The following NPAS3 variants were observed in gnomAD, a reference collection of about 807,000 sequenced individuals.
NPAS3 encodes neuronal PAS domain protein 3, also known as neuronal PAS domain-containing protein 3.
Under a neutral mutation model 73.1 loss-of-function variants are expected in NPAS3, and 14 were observed. The observed-to-expected ratio is 0.19, with a 90% CI of 0.13 to 0.30. The LOEUF is 0.30. Among genes scored for constraint, NPAS3 ranks in the 10% least tolerant of loss-of-function variants. The pLI is 1.00. For missense variants in NPAS3, 1,096 were observed against 1,250.0 expected, an observed-to-expected ratio of 0.88 and a Z score of 1.86; for synonymous variants, 620 against 541.5, an observed-to-expected ratio of 1.14 and a Z score of -2.01.
chr14:33,074,497 A>G (rs971192253), intron 2 of NPAS3, among the ~76,000 whole-genome samples: 2 of 151,716 alleles, frequency 1.3e-5, no homozygotes, highest in African/African-American at 4.8e-5. Flanking sequence ...GCTCACTACA[A>G]CCTCCGCCTC....
At position 33,548,415 on chromosome 14, in the gene NPAS3, A is replaced by C. The variant is rs375200314; in HGVS notation, c.469-11706A>C. ...TGCACATTAGAATTATACTGAGATT[A>C]TCGATTCAAGGTTTCTAGTGAGTGG... On this transcript the variant is annotated intron_variant, in intron 4 of 11. Coordinates refer to ENST00000356141, the Ensembl canonical transcript of NPAS3. 1.8e-4 allele frequency among the ~76,000 whole-genome samples: 27 copies of C among 152,316 alleles called. No homozygotes were observed. In the East Asian group the frequency reaches 2.9e-3, roughly 16 times the overall value.
At chr14:33,433,590 G>A (rs1222124756) in intron 4 of NPAS3, among the ~76,000 whole-genome samples, 1 of 152,192 alleles carries the variant, frequency 6.6e-6, no homozygotes. Flanking sequence ...GTTTCTCAGG[G>A]CAGACTTATA....
intron 5 of NPAS3, among the ~76,000 whole-genome samples, chr14:33,604,406 A>G (rs1156740271): frequency 6.6e-6 from 1 of 152,212 alleles, no homozygotes; most frequent in Non-Finnish European, 1.5e-5. Flanking sequence ...GAATATAACT[A>G]TGGATAAAGA....
chr14:33,734,490 G>C (rs575088770), intron 6 of NPAS3, among the ~76,000 whole-genome samples: 80 of 152,116 alleles, frequency 5.3e-4, no homozygotes, highest in Non-Finnish European at 4.9e-4. Context: ...TTGTTTAAGA[G>C]AGAAAATCAT....
At chr14:33,629,105 G>A (rs1246532536) in intron 5 of NPAS3, among the ~76,000 whole-genome samples, 2 of 152,010 alleles carry the variant, frequency 1.3e-5, no homozygotes, top group Non-Finnish European at 2.9e-5. Flanking sequence ...CGTGGTGGTG[G>A]GTGCCTGTAG....
At chr14:33,161,379 T>C (rs1042531381) in intron 2 of NPAS3, among the ~76,000 whole-genome samples, 15 of 152,210 alleles carry the variant, frequency 9.9e-5, no homozygotes, top group African/African-American at 2.9e-4. Flanking sequence ...GCAAGAATCA[T>C]TGATACTAAT....
chr14:33,119,435 G>A (rs924950584), intron 2 of NPAS3, among the ~76,000 whole-genome samples: 1 of 152,020 alleles, frequency 6.6e-6, no homozygotes, highest in Non-Finnish European at 1.5e-5. Context: ...ATAGGAAAAC[G>A]GTGCTTGCTG....
chr14:32,936,907 C>T (rs976646999), upstream of NPAS3, among the ~76,000 whole-genome samples: 1 of 151,066 alleles, frequency 6.6e-6, no homozygotes, highest in African/African-American at 2.4e-5. Flanking sequence ...CTCTGAATCC[C>T]ACTGCAGTTC....
At chr14:33,152,185 C>G (rs1566614744) in intron 2 of NPAS3, among the ~76,000 whole-genome samples, 1 of 152,054 alleles carries the variant, frequency 6.6e-6, no homozygotes, top group Non-Finnish European at 1.5e-5. Flanking sequence ...CAAAAATTAC[C>G]TGGCCCCAAA....
intron 3 of NPAS3, among the ~76,000 whole-genome samples, chr14:33,224,420 T>G (rs2047546680): frequency 6.6e-6 from 1 of 152,136 alleles, no homozygotes. Context: ...CCTCCACCTG[T>G]GAAAACTAAT....
chr14:33,286,575 G>A (rs1370481882), intron 3 of NPAS3, among the ~76,000 whole-genome samples: 1 of 152,030 alleles, frequency 6.6e-6, no homozygotes, highest in African/African-American at 2.4e-5. Flanking sequence ...ACCGAATATC[G>A]GCCTGAATGA....
At chr14:33,138,029 G>A (rs2043903454) in intron 2 of NPAS3, among the ~76,000 whole-genome samples, 1 of 150,540 alleles carries the variant, frequency 6.6e-6, no homozygotes, top group Non-Finnish European at 1.5e-5. Flanking sequence ...TCATCTTGTG[G>A]AGAATTGGAC....
intron 5 of NPAS3, among the ~76,000 whole-genome samples, chr14:33,633,054 A>G (rs892364751): frequency 1.3e-5 from 2 of 152,256 alleles, no homozygotes; most frequent in Non-Finnish European, 2.9e-5. Context: ...ACAAGTTTAA[A>G]AACAATACAG....
intron 3 of NPAS3, among the ~76,000 whole-genome samples, chr14:33,247,967 T>G (rs1329763619): frequency 6.6e-6 from 1 of 152,220 alleles, no homozygotes; most frequent in African/African-American, 2.4e-5. Flanking sequence ...AAGTGAATTC[T>G]ATTTTCACGG....
intron 2 of NPAS3, among the ~76,000 whole-genome samples, chr14:33,187,137 C>A (rs1407898515): frequency 6.6e-6 from 1 of 152,192 alleles, no homozygotes; most frequent in Non-Finnish European, 1.5e-5. Context: ...CCCTTTGGGG[C>A]TTCTTACTAC....
At chr14:33,380,091 A>G (rs2046481054) in intron 4 of NPAS3, among the ~76,000 whole-genome samples, 1 of 151,932 alleles carries the variant, frequency 6.6e-6, no homozygotes, top group Non-Finnish European at 1.5e-5. Context: ...AGCAAAGAGA[A>G]GAAAATAAAA....
At chr14:33,477,207 T>TG (rs2051080440) in intron 4 of NPAS3, among the ~76,000 whole-genome samples, 1 of 152,178 alleles carries the variant, frequency 6.6e-6, no homozygotes, top group Non-Finnish European at 1.5e-5. Flanking sequence ...CTTTTGGTGA[T>TG]GGGGGTAGGG....
intron 4 of NPAS3, among the ~76,000 whole-genome samples, chr14:33,523,562 A>C (rs985383067): frequency 6.6e-6 from 1 of 152,000 alleles, no homozygotes; most frequent in Non-Finnish European, 1.5e-5. Flanking sequence ...CAGGAGTTCG[A>C]AATTAGCCTG....
intron 6 of NPAS3, among the ~76,000 whole-genome samples, chr14:33,696,882 C>A (rs2060398967): frequency 6.6e-6 from 1 of 152,176 alleles, no homozygotes. Flanking sequence ...TGAACATGCG[C>A]TGCAAAAGCA....
Sources: gnomAD v4.1 joint callset for allele counts (sites outside exome capture counted in the v4.1 genomes callset) on GRCh38, gnomAD v4.1.1 for gene constraint, MANE v1.5 for transcripts, NCBI Gene and HGNC (gene_info 2026-07-23, HGNC 2026-07-21) for gene names.